QTMAN: variants seen among roughly 807,000 people sequenced by gnomAD.
The protein encoded by QTMAN is tRNA-queuosine alpha-mannosyltransferase.
At chr2:144,188,758 T>C in the QTMAN span, among the ~76,000 whole-genome samples, 1 of 99,774 alleles carries the variant, frequency 1.0e-5, no homozygotes, top group Non-Finnish European at 2.2e-5. Context: ...ATGAGAAAAA[T>C]AAGTATAAAA....
chr2:144,120,428 A>C, the QTMAN span, among the ~76,000 whole-genome samples: 1 of 152,196 alleles, frequency 6.6e-6, no homozygotes, highest in Non-Finnish European at 1.5e-5. Flanking sequence ...AGAACATCCA[A>C]GTTATAGTTT....
chr2:144,077,138 T>C, the QTMAN span, among the ~76,000 whole-genome samples: 3 of 152,030 alleles, frequency 2.0e-5, no homozygotes, highest in East Asian at 3.9e-4. Context: ...CCTCACTAAA[T>C]GTATTTCACT....
At chr2:144,285,597 T>C in the QTMAN span, among the ~76,000 whole-genome samples, 1 of 152,208 alleles carries the variant, frequency 6.6e-6, no homozygotes. Context: ...GTACACCTAA[T>C]GTAACATAAA....
At chr2:144,213,001 T>A in the QTMAN span, among the ~76,000 whole-genome samples, 5 of 152,138 alleles carry the variant, frequency 3.3e-5, no homozygotes, top group Admixed American at 6.5e-5. Flanking sequence ...GTCTACCTTT[T>A]CAAAAATGCA....
At chr2:144,205,324 A>T in the QTMAN span, among the ~76,000 whole-genome samples, 5 of 152,118 alleles carry the variant, frequency 3.3e-5, no homozygotes, top group African/African-American at 4.8e-5. Flanking sequence ...CAACCAGTCA[A>T]ATGTAGGAAA....
chr2:144,087,843 T>C, the QTMAN span, among the ~76,000 whole-genome samples: 2 of 152,182 alleles, frequency 1.3e-5, no homozygotes, highest in East Asian at 1.9e-4. Context: ...GCTCACTTCA[T>C]AGTGAATAGA....
the QTMAN span, among the ~76,000 whole-genome samples, chr2:143,986,304 C>T: frequency 6.6e-6 from 1 of 152,200 alleles, no homozygotes; most frequent in Non-Finnish European, 1.5e-5. Context: ...TATATTCTTA[C>T]CTGAAGTCAG....
chr2:144,330,636 C>G, the QTMAN span, among the ~76,000 whole-genome samples: 3 of 152,138 alleles, frequency 2.0e-5, no homozygotes, highest in Admixed American at 1.3e-4. Flanking sequence ...GCATTTTAAT[C>G]TAATGGGTCC....
chr2:144,037,643 A>G, the QTMAN span, among the ~76,000 whole-genome samples: 7 of 152,248 alleles, frequency 4.6e-5, no homozygotes, highest in Non-Finnish European at 1.0e-4. Flanking sequence ...GTGATGTAAA[A>G]CATTTCTACA....
the QTMAN span, among the ~76,000 whole-genome samples, chr2:144,035,435 C>T: frequency 1.3e-5 from 2 of 152,190 alleles, no homozygotes; most frequent in Non-Finnish European, 2.9e-5. Context: ...TTGTACTCTT[C>T]TTAAAAGCAT....
chr2:144,309,618 C>T, the QTMAN span, among the ~76,000 whole-genome samples: 5 of 152,150 alleles, frequency 3.3e-5, no homozygotes, highest in Admixed American at 2.6e-4. Flanking sequence ...GGAGTGACTA[C>T]AAACAGACAC....
the QTMAN span, among the ~76,000 whole-genome samples, chr2:144,211,826 C>T: frequency 6.6e-6 from 1 of 152,194 alleles, no homozygotes; most frequent in East Asian, 1.9e-4. Context: ...ATACTAGTTG[C>T]CCATTTCAGC....
the QTMAN span, among the ~76,000 whole-genome samples, chr2:144,325,090 T>C: frequency 2.6e-5 from 4 of 152,230 alleles, no homozygotes; most frequent in Admixed American, 1.3e-4. Flanking sequence ...GGGCCTACAC[T>C]ACAAGATAGC....
the QTMAN span, among the ~76,000 whole-genome samples, chr2:144,031,920 T>C: frequency 0.044 from 6,754 of 151,806 alleles, 262 homozygotes; most frequent in East Asian, 0.18. Flanking sequence ...CACGTTTAGG[T>C]GTGTGGCTAA....
At chr2:144,278,848 A>G in the QTMAN span, among the ~76,000 whole-genome samples, 2 of 152,196 alleles carry the variant, frequency 1.3e-5, no homozygotes, top group Admixed American at 1.3e-4. Flanking sequence ...AAATAACTAG[A>G]TGATGATTAT....
At chr2:144,303,715 C>G in the QTMAN span, among the ~76,000 whole-genome samples, 5 of 152,142 alleles carry the variant, frequency 3.3e-5, no homozygotes, top group South Asian at 8.3e-4. Flanking sequence ...TAGCACCAGG[C>G]TTGCCCACTT....
At chr2:144,160,716 G>C in the QTMAN span, among the ~76,000 whole-genome samples, 2 of 152,274 alleles carry the variant, frequency 1.3e-5, no homozygotes, top group South Asian at 4.1e-4. Context: ...TCAATGAATA[G>C]CTGTCACATC....
chr2:143,964,369 CT>C, the QTMAN span, among the ~76,000 whole-genome samples: 1 of 152,244 alleles, frequency 6.6e-6, no homozygotes, highest in African/African-American at 2.4e-5. Context: ...TTTATTCAAT[CT>C]TACTAGTACA....
the QTMAN span, among the ~76,000 whole-genome samples, chr2:144,115,218 G>A: frequency 6.7e-6 from 1 of 150,264 alleles, no homozygotes; most frequent in African/African-American, 2.5e-5. Context: ...GTGACAGAGC[G>A]AGACCCTGTC....
Sources: allele counts gnomAD v4.1 joint callset (sites outside exome capture counted in the v4.1 genomes callset), GRCh38; gene constraint gnomAD v4.1.1; transcripts MANE v1.5; gene names NCBI Gene and HGNC (gene_info 2026-07-23, HGNC 2026-07-21).